Variants in DOCK10 observed in about 807,000 individuals in gnomAD.
The protein encoded by DOCK10 is dedicator of cytokinesis protein 10.
DOCK10 carries 145 observed loss-of-function variants against 280.1 expected under a neutral mutation model. The ratio of observed to expected loss-of-function variants is 0.52; its 90% CI spans 0.45 to 0.59. The LOEUF (loss-of-function observed/expected upper bound fraction) is 0.59, where lower values mean the gene tolerates loss of function less well. Among genes scored for constraint, DOCK10 ranks in the 20% least tolerant of loss-of-function variants. DOCK10 has a pLI of 0.00. For synonymous variants in DOCK10, 915 were observed against 942.2 expected, an observed-to-expected ratio of 0.97 and a Z score of 0.53; for missense variants, 2,368 against 2,651.7, an observed-to-expected ratio of 0.89 and a Z score of 2.35.
intron 7 of DOCK10, among the ~76,000 whole-genome samples, chr2:224,878,562 G>T (rs775927293): frequency 8.7e-4 from 133 of 152,348 alleles, no homozygotes; most frequent in Non-Finnish European, 1.0e-3. Context: ...GGCATCTGTG[G>T]CCTGGGAGTT....
At chr2:224,856,616 G>A (rs1257115502) in intron 15 of DOCK10, among the ~76,000 whole-genome samples, 3 of 152,200 alleles carry the variant, frequency 2.0e-5, no homozygotes, top group African/African-American at 4.8e-5. Context: ...AAACCATTAA[G>A]TTTTGAGGTG....
intron 1 of DOCK10, among the ~76,000 whole-genome samples, chr2:225,039,686 T>TTCTCTC (rs5839087): frequency 2.6e-4 from 39 of 150,192 alleles, no homozygotes; most frequent in African/African-American, 8.6e-4. Flanking sequence ...GCTTCCTGTC[T>TTCTCTC]TCTCTCTCTC....
chr2:224,801,416 A>T (rs1386312173), intron 40 of DOCK10, among the ~76,000 whole-genome samples: 2 of 152,054 alleles, frequency 1.3e-5, no homozygotes, highest in Non-Finnish European at 2.9e-5. Flanking sequence ...AACCCCTCTG[A>T]TGAGACTGGT....
intron 40 of DOCK10, among the ~76,000 whole-genome samples, chr2:224,801,035 G>A (rs1297811147): frequency 2.0e-5 from 3 of 152,066 alleles, no homozygotes; most frequent in Non-Finnish European, 4.4e-5. Context: ...CAATAGAAAG[G>A]AAATGTCTGG....
At chr2:224,954,976 T>C (rs551820984) in intron 1 of DOCK10, among the ~76,000 whole-genome samples, 1 of 152,314 alleles carries the variant, frequency 6.6e-6, no homozygotes, top group Non-Finnish European at 1.5e-5. Flanking sequence ...CAGTTATCTT[T>C]TTATCTTATA....
chr2:224,938,977 A>T (rs980261841), intron 1 of DOCK10, among the ~76,000 whole-genome samples: 1 of 152,234 alleles, frequency 6.6e-6, no homozygotes, highest in Non-Finnish European at 1.5e-5. Flanking sequence ...TGAACCACAC[A>T]GTTTCATGAG....
At chr2:224,893,808 G>A (rs1699836975) in intron 4 of DOCK10, among the ~76,000 whole-genome samples, 2 of 152,038 alleles carry the variant, frequency 1.3e-5, no homozygotes, top group Admixed American at 1.3e-4. Context: ...TAAATTGGTA[G>A]CAGACATAGG....
At chr2:224,899,674 C>T (rs991100254) in intron 3 of DOCK10, among the ~76,000 whole-genome samples, 1 of 152,056 alleles carries the variant, frequency 6.6e-6, no homozygotes, top group Non-Finnish European at 1.5e-5. Context: ...TTTATGGCTA[C>T]TTCCAATTTT....
intron 13 of DOCK10, 106 bp from the exon 14 acceptor site, chr2:224,862,852 C>T (rs182878992): frequency 3.9e-5 from 27 of 698,854 alleles, no homozygotes; most frequent in Middle Eastern, 4.4e-4. Flanking sequence ...TGAAACTCAG[C>T]GTAACTGTGT....
At chr2:224,964,104 A>T (rs10210032) in intron 1 of DOCK10, among the ~76,000 whole-genome samples, 1 of 151,292 alleles carries the variant, frequency 6.6e-6, no homozygotes, top group African/African-American at 2.4e-5. Flanking sequence ...CAGGATGCGG[A>T]GGGTGTTAGC....
chr2:224,951,677 G>A (rs1485562899), intron 1 of DOCK10, among the ~76,000 whole-genome samples: 2 of 152,140 alleles, frequency 1.3e-5, no homozygotes, highest in Admixed American at 1.3e-4. Flanking sequence ...GTTTTCATGG[G>A]TCAGAAATCT....
At chr2:224,872,000 G>A (rs553175395) in intron 11 of DOCK10, among the ~76,000 whole-genome samples, 1 of 152,170 alleles carries the variant, frequency 6.6e-6, no homozygotes, top group African/African-American at 2.4e-5. Context: ...GACAAGTTTG[G>A]CTCACAGTAG....
intron 4 of DOCK10, among the ~76,000 whole-genome samples, chr2:224,888,622 AAT>A (rs993700646): frequency 1.6e-4 from 25 of 151,892 alleles, no homozygotes; most frequent in African/African-American, 4.8e-4. Context: ...TATGTGTGTG[AAT>A]ATATGTGTGT....
At chr2:224,959,994 G>C (rs1403686778) in intron 1 of DOCK10, among the ~76,000 whole-genome samples, 1 of 152,012 alleles carries the variant, frequency 6.6e-6, no homozygotes, top group Non-Finnish European at 1.5e-5. Context: ...TTTCCTATGG[G>C]GAACACCTCC....
At chr2:224,829,268 C>A (rs1695066562) in intron 27 of DOCK10, among the ~76,000 whole-genome samples, 1 of 152,154 alleles carries the variant, frequency 6.6e-6, no homozygotes, top group Non-Finnish European at 1.5e-5. Context: ...ACAGTAGATC[C>A]ACTGGGTTCA....
rs1690464356 is a variant in DOCK10, at chr2:225,042,401, G to A, written c.-27C>T. On this transcript the variant is annotated 5_prime_UTR_variant, in exon 1 of 56. Coordinates refer to ENST00000258390, the MANE Select transcript of DOCK10 (RefSeq NM_014689.3). The surrounding 1 kb of genome is among the most constrained non-coding windows in gnomAD (Gnocchi z 5.1). ...GCCGGTCACGCCAATCGCGCCGCGGGCCCGGGGCGCGCCTCCCGCCGGTCT... is the reference window on the plus strand; with the variant it reads ...GCCGGTCACGCCAATCGCGCCGCGGACCCGGGGCGCGCCTCCCGCCGGTCT... The A allele has an allele frequency of 8.1e-7, 1 of 1,231,098 alleles. No individual in the cohort carries two copies. Among genetic ancestry groups the A allele is most frequent in the Non-Finnish European group, 1.0e-6 (1 of 985,620 alleles). The allele number at this position is 1,231,098 out of a possible 1,614,324, so 76.3% of individuals were successfully genotyped here.
chr2:224,986,498 ACT>A (rs1480763652), intron 1 of DOCK10, among the ~76,000 whole-genome samples: 1 of 151,960 alleles, frequency 6.6e-6, no homozygotes, highest in Non-Finnish European at 1.5e-5. Context: ...CGCCAATGTG[ACT>A]CTGTTTTGAG....
intron 1 of DOCK10, chr2:224,982,123 C>T: frequency 5.5e-6 from 6 of 1,084,410 alleles, no homozygotes; most frequent in Non-Finnish European, 7.0e-6. Context: ...CTTTATCTAA[C>T]GCTAAACACC....
At chr2:224,932,841 T>C (rs779354814) in intron 1 of DOCK10, among the ~76,000 whole-genome samples, 2 of 152,174 alleles carry the variant, frequency 1.3e-5, no homozygotes, top group East Asian at 1.9e-4. Flanking sequence ...TTCATTGACA[T>C]TTTAATAAAT....
Sources: allele counts gnomAD v4.1 joint callset (sites outside exome capture counted in the v4.1 genomes callset), GRCh38; gene constraint gnomAD v4.1.1; non-coding constraint Gnocchi (gnomAD v3.1); transcripts MANE v1.5; gene names NCBI Gene and HGNC (gene_info 2026-07-23, HGNC 2026-07-21).